The following RBPMS2 variants were observed in gnomAD, a reference collection of about 807,000 sequenced individuals.
RBPMS2 encodes the protein RNA binding protein, mRNA processing factor 2.
RBPMS2 carries 14 observed loss-of-function variants against 25.7 expected under a neutral mutation model. The ratio of observed to expected loss-of-function variants is 0.55; its 90% CI spans 0.36 to 0.85. The LOEUF (loss-of-function observed/expected upper bound fraction) is 0.85, where lower values mean the gene tolerates loss of function less well. RBPMS2 is among the 40% of genes least tolerant of loss of function. The pLI is 0.01. For synonymous variants in RBPMS2, 127 were observed against 115.6 expected, an observed-to-expected ratio of 1.10 and a Z score of -0.63; for missense variants, 252 against 283.4, an observed-to-expected ratio of 0.89 and a Z score of 0.80.
At chr15:64,774,286 G>C (rs1297170448) in intron 1 of RBPMS2, among the ~76,000 whole-genome samples, 1 of 152,206 alleles carries the variant, frequency 6.6e-6, no homozygotes, top group Non-Finnish European at 1.5e-5. Context: ...CTCACCCCTA[G>C]AATGACGCAG....
At chr15:64,743,614 T>C (rs868356943) in intron 6 of RBPMS2, among the ~76,000 whole-genome samples, 2 of 144,072 alleles carry the variant, frequency 1.4e-5, no homozygotes, top group South Asian at 4.5e-4. Flanking sequence ...ACCCGCAGTG[T>C]CCTTTCAGGG....
intron 1 of RBPMS2, among the ~76,000 whole-genome samples, chr15:64,763,625 G>T (rs113283252): frequency 0.016 from 2,439 of 152,282 alleles, 73 homozygotes; most frequent in African/African-American, 0.056. Context: ...AAAGCTCATA[G>T]TCCTTTGAGC....
intron 1 of RBPMS2, among the ~76,000 whole-genome samples, chr15:64,764,512 G>C (rs1178756188): frequency 1.3e-5 from 2 of 152,192 alleles, no homozygotes; most frequent in African/African-American, 2.4e-5. Context: ...TCTGTTCAGA[G>C]GTAGAAGCTG....
At chr15:64,758,180 C>T (rs567706024) in intron 1 of RBPMS2, among the ~76,000 whole-genome samples, 1 of 152,314 alleles carries the variant, frequency 6.6e-6, no homozygotes, top group East Asian at 1.9e-4. Context: ...TCTCAGGCTG[C>T]TGGAAGGCAC....
At chr15:64,766,250 G>A (rs1281782452) in intron 1 of RBPMS2, among the ~76,000 whole-genome samples, 11 of 152,112 alleles carry the variant, frequency 7.2e-5, no homozygotes, top group Admixed American at 4.6e-4. Context: ...AGGCAGATGC[G>A]CCTAGGCAAA....
At chr15:64,754,439 C>A (rs1023206450) in intron 1 of RBPMS2, among the ~76,000 whole-genome samples, 7 of 152,120 alleles carry the variant, frequency 4.6e-5, no homozygotes, top group Non-Finnish European at 1.0e-4. Context: ...TGGAGAAACC[C>A]CGTCTCTACT....
At chr15:64,764,732 G>A (rs891339161) in intron 1 of RBPMS2, among the ~76,000 whole-genome samples, 4 of 151,448 alleles carry the variant, frequency 2.6e-5, no homozygotes, top group Non-Finnish European at 5.9e-5. Context: ...TGGCTAACAC[G>A]GTGAAACCCT....
At chr15:64,763,034 T>G (rs2083805552) in intron 1 of RBPMS2, among the ~76,000 whole-genome samples, 1 of 130,432 alleles carries the variant, frequency 7.7e-6, no homozygotes, top group Admixed American at 8.8e-5. Flanking sequence ...ACCCTTGGTG[T>G]GGTCTTGGTC....
At chr15:64,744,443 A>T (rs1347376331) in intron 6 of RBPMS2, among the ~76,000 whole-genome samples, 1 of 151,962 alleles carries the variant, frequency 6.6e-6, no homozygotes, top group African/African-American at 2.4e-5. Flanking sequence ...CTGTAATCCC[A>T]GCTACTAGGG....
chr15:64,748,701 G>C (rs531466799), intron 5 of RBPMS2, 134 bp from the exon 6 acceptor site: 3 of 1,124,308 alleles, frequency 2.7e-6, no homozygotes, highest in Non-Finnish European at 3.7e-6. Context: ...AGAGGACCCC[G>C]AGACCAGGCA....
intron 1 of RBPMS2, among the ~76,000 whole-genome samples, chr15:64,761,872 C>A (rs952472766): frequency 1.3e-5 from 2 of 151,904 alleles, no homozygotes. Context: ...CCATGCCCGA[C>A]AATTTTTGTA....
intron 6 of RBPMS2, among the ~76,000 whole-genome samples, chr15:64,743,242 C>CA (rs2083580713): frequency 6.6e-6 from 1 of 152,236 alleles, no homozygotes; most frequent in Non-Finnish European, 1.5e-5. Context: ...ACCTCTTTCA[C>CA]CACTGGGAAG....
intron 1 of RBPMS2, among the ~76,000 whole-genome samples, chr15:64,765,342 G>C (rs968685629): frequency 6.6e-6 from 1 of 151,060 alleles, no homozygotes; most frequent in African/African-American, 2.4e-5. Flanking sequence ...TTGAACCCAG[G>C]AGGTGGAGGC....
At chr15:64,749,324 T>C (rs1197349383) in intron 4 of RBPMS2, 107 bp downstream of exon 4, 2 of 1,313,124 alleles carry the variant, frequency 1.5e-6, no homozygotes, top group Non-Finnish European at 2.2e-6. Flanking sequence ...GCACAGACAG[T>C]GTCGCCAAGG....
chr15:64,768,593 G>A (rs893869087), intron 1 of RBPMS2, among the ~76,000 whole-genome samples: 47 of 151,774 alleles, frequency 3.1e-4, no homozygotes, highest in African/African-American at 1.1e-3. Flanking sequence ...AGCCGAGATT[G>A]CGCCACTGCA....
chr15:64,761,946 G>C (rs926553062), intron 1 of RBPMS2, among the ~76,000 whole-genome samples: 2 of 151,966 alleles, frequency 1.3e-5, no homozygotes, highest in Non-Finnish European at 2.9e-5. Flanking sequence ...CTGACCTCAA[G>C]TGATCCATCC....
chr15:64,767,120 CA>C (rs1296693040), intron 1 of RBPMS2, among the ~76,000 whole-genome samples: 2 of 151,456 alleles, frequency 1.3e-5, no homozygotes, highest in African/African-American at 2.4e-5. Flanking sequence ...TTTTTTGAGA[CA>C]GGGGCTCTCA....
intron 1 of RBPMS2, among the ~76,000 whole-genome samples, chr15:64,764,055 GTC>G (rs2083818252): frequency 6.6e-6 from 1 of 152,222 alleles, no homozygotes; most frequent in South Asian, 2.1e-4. Context: ...CAAACTCTGT[GTC>G]AGGGCAGGCT....
In RBPMS2 at chr15:64,775,277, C is replaced by T. The variant is rs777493863; in HGVS notation, c.43G>A (p.Gly15Ser). ...CCGGAGCCCGCGCCGGAGCCGGTGCCGGTGCTGCCGCCGTGCTCGCCGTCC... is the reference window on the plus strand; with the variant it reads ...CCGGAGCCCGCGCCGGAGCCGGTGCTGGTGCTGCCGCCGTGCTCGCCGTCC... ...KPDGEHGGST[G>S]TGSGAGSGGA... Residue 15 changes from glycine (G) to serine (S), a missense_variant, in exon 1 of 8, where the codon GGC becomes AGC. Coordinates refer to ENST00000300069, the MANE Select transcript of RBPMS2 (RefSeq NM_194272.3). 1.5e-6 allele frequency: 2 copies of T among 1,350,198 alleles called. No homozygotes were observed. Among genetic ancestry groups the T allele is most frequent in the East Asian group, 3.3e-5 (1 of 30,656 alleles). 83.6% of individuals were successfully genotyped at this position (1,350,198 alleles called of 1,614,324 possible).
Sources: allele counts gnomAD v4.1 joint callset (sites outside exome capture counted in the v4.1 genomes callset), GRCh38; gene constraint gnomAD v4.1.1; transcripts MANE v1.5; gene names NCBI Gene and HGNC (gene_info 2026-07-23, HGNC 2026-07-21).